Variants in WDFY3 observed in about 807,000 individuals in gnomAD.
The protein encoded by WDFY3 is WD repeat and FYVE domain-containing protein 3.
A neutral mutation model predicts 409.6 loss-of-function variants in WDFY3; 66 were observed. The ratio of observed to expected loss-of-function variants is 0.16; its 90% CI spans 0.13 to 0.20. WDFY3 has a LOEUF of 0.20. WDFY3 is among the 10% of genes least tolerant of loss of function. The pLI is 1.00. For missense variants in WDFY3, 3,031 were observed against 4,298.1 expected, an observed-to-expected ratio of 0.71 and a Z score of 8.24; for synonymous variants, 1,521 against 1,537.1, an observed-to-expected ratio of 0.99 and a Z score of 0.25.
chr4:84,687,109 C>T (rs1728455949), intron 62 of WDFY3, among the ~76,000 whole-genome samples: 1 of 152,114 alleles, frequency 6.6e-6, no homozygotes, highest in African/African-American at 2.4e-5. Context: ...CATACTCTGA[C>T]TATAATTTAT....
At chr4:84,965,734 C>A (rs375233829) in intron 1 of WDFY3, 2 of 152,302 alleles carry the variant, frequency 1.3e-5, no homozygotes, top group African/African-American at 4.8e-5. Flanking sequence ...AGGCCGCGCT[C>A]GGCTGCGCTC....
rs1750916130 is a variant in WDFY3, at chr4:84,803,146, T to TAA, written c.2607+142_2607+143dup. 4.6e-6 allele frequency: 4 copies of TAA among 867,278 alleles called. No individual in the cohort carries two copies. The South Asian group carries it at 1.3e-4, about 28-fold the overall frequency. The allele number at this position is 867,278 out of a possible 1,614,324, so 53.7% of individuals were successfully genotyped here. A position where few individuals can be genotyped will look rare whatever the true frequency, so the allele number is the denominator to read the frequency against. ...TTTATCATGAAAGGTAACACTCAAA[T>TAA]AAAAAAATCCTTTTTTTTCCCCTTC... On this transcript the variant is annotated intron_variant, in intron 16 of 67. Coordinates refer to ENST00000295888, the MANE Select transcript of WDFY3 (RefSeq NM_014991.6).
Position 84,741,895 on chromosome 4 carries a change from T to C in WDFY3, c.6100A>G (p.Ser2034Gly). The C allele has an allele frequency of 6.2e-7, 1 of 1,605,828 alleles. No individual in the cohort carries two copies. The highest frequency in any genetic ancestry group is 8.5e-7 in the Non-Finnish European group (1 of 1,174,478). ...ACCAATACCTGGTAGCTTCCTCCAC[T>C]GGTAATAGGCAGAGATGCATCTTCC... ...LGEDASLPIT[S>G]GGSYQVLVNN... is the part of the protein sequence containing the mutation. Residue 2034 changes from serine (S) to glycine (G), a missense_variant, in exon 38 of 68, where the codon AGT becomes GGT. Ser to Gly is a moderately conservative substitution (Grantham distance 56). Around this residue, in one of 16 missense-constraint regions of WDFY3, gnomAD observed 314 missense variants for 397.4 expected, o/e 0.79. Coordinates refer to ENST00000295888, the MANE Select transcript of WDFY3 (RefSeq NM_014991.6).
chr4:84,900,165 A>C (rs1006414803), intron 2 of WDFY3, among the ~76,000 whole-genome samples: 1 of 152,200 alleles, frequency 6.6e-6, no homozygotes, highest in Non-Finnish European at 1.5e-5. Flanking sequence ...AACAACCCAA[A>C]TGTCCTTCAG....
At position 84,817,600 on chromosome 4, in the gene WDFY3, A is replaced by G; in HGVS notation, c.1694-15T>C. On this transcript the variant is annotated splice_polypyrimidine_tract_variant and intron_variant, in intron 12 of 67. Transcript: ENST00000295888. ...TCGAAAAATTCCTTGAAGGAAGGAG[A>G]AAAAGTCCAACAATGGCTACTTTAA... is the stretch of plus-strand genomic sequence containing the variant. 6.3e-7 allele frequency: 1 copy of G among 1,584,392 alleles called. No individual in the cohort carries two copies. Among genetic ancestry groups the G allele is most frequent in the Non-Finnish European group, 8.6e-7 (1 of 1,164,412 alleles).
chr4:84,695,792 T>C (rs1730045564), intron 58 of WDFY3, among the ~76,000 whole-genome samples, 178 bp downstream of exon 58: 1 of 152,152 alleles, frequency 6.6e-6, no homozygotes, highest in African/African-American at 2.4e-5. Context: ...TTTTTATTTA[T>C]CTGGACTGTG....
At chr4:84,926,949 TCTG>T (rs1167061790) in intron 2 of WDFY3, among the ~76,000 whole-genome samples, 3 of 152,214 alleles carry the variant, frequency 2.0e-5, no homozygotes, top group Non-Finnish European at 4.4e-5. Flanking sequence ...TTGTATGATT[TCTG>T]CTAACCCTGC....
At chr4:84,777,123 T>C (rs572076992) in intron 27 of WDFY3, among the ~76,000 whole-genome samples, 24 of 152,164 alleles carry the variant, frequency 1.6e-4, no homozygotes, top group African/African-American at 5.8e-4. Flanking sequence ...GGTGGTGTTA[T>C]TAAGAGAAAT....
chr4:84,788,369 T>C (rs1747899861), intron 22 of WDFY3, among the ~76,000 whole-genome samples: 1 of 152,058 alleles, frequency 6.6e-6, no homozygotes, highest in South Asian at 2.1e-4. Context: ...AGAGCTAGAG[T>C]TGATTTCACA....
intron 2 of WDFY3, among the ~76,000 whole-genome samples, chr4:84,906,949 T>C (rs1767124935): frequency 6.6e-6 from 1 of 152,192 alleles, no homozygotes; most frequent in Non-Finnish European, 1.5e-5. Context: ...ATGTAAATTT[T>C]TGTTATACTG....
chr4:84,763,447 A>C (rs1312765998), intron 32 of WDFY3, among the ~76,000 whole-genome samples: 1 of 152,122 alleles, frequency 6.6e-6, no homozygotes, highest in African/African-American at 2.4e-5. Flanking sequence ...CTTAAAACCT[A>C]GATGACGGGC....
intron 60 of WDFY3, among the ~76,000 whole-genome samples, chr4:84,691,295 G>A (rs937341137): frequency 2.0e-5 from 3 of 152,076 alleles, no homozygotes. Context: ...TCATCAAAAG[G>A]AGGCTATTCT....
chr4:84,829,222 T>C (rs1339301478), intron 8 of WDFY3, 32 bp from the exon 9 acceptor site: 1 of 1,483,552 alleles, frequency 6.7e-7, no homozygotes, highest in East Asian at 2.4e-5. Flanking sequence ...TAAATATGCA[T>C]TATTCCTGAC....
At chr4:84,901,869 C>A (rs904851316) in intron 2 of WDFY3, among the ~76,000 whole-genome samples, 2 of 152,140 alleles carry the variant, frequency 1.3e-5, no homozygotes, top group Admixed American at 6.5e-5. Flanking sequence ...TTTTTCTGCA[C>A]GCAGTCTGGC....
At chr4:84,947,383 G>A (rs1439377077) in intron 1 of WDFY3, among the ~76,000 whole-genome samples, 2 of 150,768 alleles carry the variant, frequency 1.3e-5, no homozygotes, top group South Asian at 2.1e-4. Context: ...GTGGTGGCAC[G>A]GGCCTGTAGT....
At chr4:84,780,006 C>T (rs552178470) in intron 26 of WDFY3, 102 bp downstream of exon 26, 11 of 1,266,502 alleles carry the variant, frequency 8.7e-6, no homozygotes, top group Non-Finnish European at 1.2e-5. Flanking sequence ...TTTCCTTGGA[C>T]AATATAATTC....
chr4:84,809,229 ATG>A (rs1018484094), intron 14 of WDFY3: 1 of 152,224 alleles, frequency 6.6e-6, no homozygotes, highest in Non-Finnish European at 1.5e-5. Context: ...CCACTGTAGA[ATG>A]TGTCACACTA....
rs1037088154 is a variant in WDFY3, at chr4:84,689,662, T to G, written c.9363+844A>C. Among the ~76,000 whole-genome samples the G allele has an allele frequency of 4.6e-5, 7 of 152,310 alleles. No homozygotes were observed. The South Asian group carries it at 6.2e-4, about 14-fold the overall frequency. ...CTTTGAAGTCAGACAGAACTTAATT[T>G]AAATTATAGCTTTACTGCTACATGT... On this transcript the variant is annotated intron_variant, in intron 61 of 67. Coordinates refer to ENST00000295888, the MANE Select transcript of WDFY3 (RefSeq NM_014991.6).
chr4:84,739,623 A>G (rs576259932), intron 39 of WDFY3, among the ~76,000 whole-genome samples: 2 of 152,098 alleles, frequency 1.3e-5, no homozygotes, highest in African/African-American at 4.8e-5. Context: ...CTCAGCAGGT[A>G]TTTCTTTCAG....
Sources: gnomAD v4.1 joint callset for allele counts (sites outside exome capture counted in the v4.1 genomes callset) on GRCh38, gnomAD v4.1.1 for gene constraint, gnomAD v4.1.1 regional missense constraint, MANE v1.5 for transcripts, NCBI Gene and HGNC (gene_info 2026-07-23, HGNC 2026-07-21) for gene names.